The following HSP90AA1 variants were observed in gnomAD, a reference collection of about 807,000 sequenced individuals.
HSP90AA1 encodes heat shock protein 90 alpha family class A member 1, also known as heat shock protein HSP 90-alpha.
A neutral mutation model predicts 73.3 loss-of-function variants in HSP90AA1; 18 were observed. That is an observed-to-expected ratio of 0.25 (90% CI 0.17 to 0.36). HSP90AA1 has a LOEUF of 0.36. Among genes scored for constraint, HSP90AA1 ranks in the 10% least tolerant of loss-of-function variants. The pLI is 1.00. For synonymous variants in HSP90AA1, 477 were observed against 296.9 expected (o/e 1.61, Z -6.24); for missense variants, 704 against 874.2 (o/e 0.81, Z 2.45).
At chr14:102,089,607 TCTCA>T (rs2049325901), upstream of HSP90AA1, among the ~76,000 whole-genome samples, 1 of 151,954 alleles carries the variant, frequency 6.6e-6, no homozygotes. Flanking sequence ...TGTCCAGCAC[TCTCA>T]CTAATAGAAC....
intron 1 of HSP90AA1, among the ~76,000 whole-genome samples, chr14:102,128,876 G>C (rs2049870360): frequency 1.3e-5 from 2 of 152,132 alleles, no homozygotes; most frequent in South Asian, 4.1e-4. Flanking sequence ...TTCAGATAGA[G>C]ATAAGAAGGG....
At chr14:102,084,635 A>C in intron 5 of HSP90AA1, 46 bp downstream of exon 5, 1 of 1,614,172 alleles carries the variant, frequency 6.2e-7, no homozygotes. Flanking sequence ...TGGTGGAGAA[A>C]GATGATAATC....
At chr14:102,088,277 G>A (rs911408844), upstream of HSP90AA1, among the ~76,000 whole-genome samples, 15 of 152,196 alleles carry the variant, frequency 9.9e-5, no homozygotes, top group African/African-American at 3.1e-4. Context: ...TGGCTTCCCT[G>A]CCTAGTCCAT....
intron 1 of HSP90AA1, among the ~76,000 whole-genome samples, chr14:102,126,079 G>C (rs1373840068): frequency 6.6e-6 from 1 of 152,170 alleles, no homozygotes; most frequent in East Asian, 1.9e-4. Flanking sequence ...GGGGCCTCAG[G>C]GAAAGCCTCT....
intron 1 of HSP90AA1, among the ~76,000 whole-genome samples, chr14:102,121,699 T>C (rs2049780341): frequency 6.6e-6 from 1 of 152,224 alleles, no homozygotes; most frequent in Admixed American, 6.5e-5. Context: ...TCTTTAGTTA[T>C]TAGAAAACAA....
At chr14:102,119,798 C>T (rs1241511521) in intron 1 of HSP90AA1, among the ~76,000 whole-genome samples, 1 of 151,972 alleles carries the variant, frequency 6.6e-6, no homozygotes, top group African/African-American at 2.4e-5. Context: ...TTTTCCTCTT[C>T]TTTATGCATT....
At chr14:102,122,801 G>A (rs2049795590) in intron 1 of HSP90AA1, among the ~76,000 whole-genome samples, 1 of 151,742 alleles carries the variant, frequency 6.6e-6, no homozygotes, top group Non-Finnish European at 1.5e-5. Flanking sequence ...CCGAGTAGCT[G>A]GGATTACAGG....
chr14:102,126,569 G>A (rs934329529), intron 1 of HSP90AA1, among the ~76,000 whole-genome samples: 2 of 151,694 alleles, frequency 1.3e-5, no homozygotes, highest in African/African-American at 2.4e-5. Context: ...TCTGTTCCCA[G>A]GCTGGAGTGC....
At chr14:102,114,771 G>T (rs372360876) in intron 1 of HSP90AA1, among the ~76,000 whole-genome samples, 4 of 151,904 alleles carry the variant, frequency 2.6e-5, no homozygotes, top group Non-Finnish European at 5.9e-5. Context: ...AGGCTGAGGC[G>T]GGCAGATCGC....
chr14:102,102,775 G>A (rs1360768306), intron 1 of HSP90AA1, among the ~76,000 whole-genome samples: 14 of 152,118 alleles, frequency 9.2e-5, no homozygotes, highest in Non-Finnish European at 1.0e-4. Context: ...GGTGGCTCAC[G>A]CCTGTAATCC....
exon 1 of HSP90AA1, chr14:102,139,313 C>T (rs745392407): frequency 1.2e-6 from 2 of 1,613,836 alleles, no homozygotes; most frequent in East Asian, 2.2e-5. Context: ...CAGACGGTCG[C>T]GCGGGTATTC....
At chr14:102,133,368 A>C (rs570235004) in intron 1 of HSP90AA1, among the ~76,000 whole-genome samples, 1 of 152,160 alleles carries the variant, frequency 6.6e-6, no homozygotes, top group African/African-American at 2.4e-5. Context: ...TTTTGAACAC[A>C]ATTATAGGGA....
At position 102,086,082 on chromosome 14, in the gene HSP90AA1, T is replaced by C; in HGVS notation, c.205A>G (p.Lys69Glu). Reference protein sequence around the residue: ...IRYESLTDPSKLDSGKELHIN... With the variant: ...IRYESLTDPSELDSGKELHIN... ...TGCAGCTCTTTCCCAGAGTCTAATT[T>C]ACTGGGATCTGTCAAGCTTTCATAC... Residue 69 changes from lysine to glutamate, a missense_variant, in exon 3 of 11, where the codon AAA becomes GAA. Transcript: ENST00000216281. 1 of 1,613,908 alleles carries C rather than the reference T, an allele frequency of 6.2e-7. No homozygotes were observed. Among genetic ancestry groups the C allele is most frequent in the Non-Finnish European group, 8.5e-7 (1 of 1,179,818 alleles).
Position 102,085,248 on chromosome 14 carries a change from C to T in HSP90AA1, c.663+50G>A, listed in dbSNP as rs1419036156. 8 of 1,581,760 alleles carry T rather than the reference C, an allele frequency of 5.1e-6. No individual in the cohort carries two copies. The East Asian group carries it at 6.7e-5, about 13-fold the overall frequency. ...GGGACTAAGGATGTAGTACAGTCAC[C>T]CCAATCACCTACAGACAGAAATTCA... On this transcript the variant is annotated intron_variant, in intron 4 of 10. Coordinates refer to ENST00000216281, the MANE Select transcript of HSP90AA1 (RefSeq NM_005348.4).
intron 1 of HSP90AA1, among the ~76,000 whole-genome samples, chr14:102,126,807 C>CGT (rs2152625670): frequency 6.6e-6 from 1 of 152,302 alleles, no homozygotes; most frequent in East Asian, 1.9e-4. Flanking sequence ...GGACTACAGG[C>CGT]GTGAGCCACT....
At chr14:102,128,690 T>C (rs1036027712) in intron 1 of HSP90AA1, among the ~76,000 whole-genome samples, 3 of 149,842 alleles carry the variant, frequency 2.0e-5, no homozygotes, top group Non-Finnish European at 4.4e-5. Context: ...TAGTACCAGC[T>C]ACTCAGGAAG....
chr14:102,087,071 T>C, upstream of HSP90AA1: 2 of 982,726 alleles, frequency 2.0e-6, no homozygotes, highest in Non-Finnish European at 2.4e-6. Context: ...GCCTGCCTTA[T>C]ATAGCGACGG....
At position 102,087,022 on chromosome 14, in the gene HSP90AA1, C is replaced by G; in HGVS notation, c.-37G>C. On this transcript the variant is annotated 5_prime_UTR_variant, in exon 1 of 11. Coordinates refer to ENST00000216281, the MANE Select transcript of HSP90AA1 (RefSeq NM_005348.4). ...GACCGCACAGGACCAACGGCACAGC[C>G]ACACCGGGACGCTGAAGCAACTGAC... 2 of 985,338 alleles carry G rather than the reference C, an allele frequency of 2.0e-6. No individual in the cohort carries two copies. Among genetic ancestry groups the G allele is most frequent in the Non-Finnish European group, 2.4e-6 (2 of 830,058 alleles). 61.0% of individuals were successfully genotyped at this position (985,338 alleles called of 1,614,324 possible).
intron 1 of HSP90AA1, among the ~76,000 whole-genome samples, chr14:102,127,754 C>A (rs539686995): frequency 1.3e-5 from 2 of 152,070 alleles, no homozygotes; most frequent in Non-Finnish European, 2.9e-5. Flanking sequence ...TGGGCTCAAG[C>A]GATCCTCCCA....
Sources: gnomAD v4.1 joint callset for allele counts (sites outside exome capture counted in the v4.1 genomes callset) on GRCh38, gnomAD v4.1.1 for gene constraint, MANE v1.5 for transcripts, NCBI Gene and HGNC (gene_info 2026-07-23, HGNC 2026-07-21) for gene names.